TBC1D22A: variants seen among roughly 807,000 people sequenced by gnomAD.
TBC1D22A encodes the protein TBC1 domain family member 22A.
TBC1D22A carries 38 observed loss-of-function variants against 60.2 expected under a neutral mutation model. The observed-to-expected ratio is 0.63, with a 90% CI of 0.49 to 0.83. The LOEUF is 0.83. Ranked by LOEUF, TBC1D22A falls within the 40% of genes least tolerant of loss-of-function variation. The pLI is 0.00. For missense variants in TBC1D22A, 628 were observed against 701.0 expected (o/e 0.90, Z 1.18); for synonymous variants, 302 against 281.7 (o/e 1.07, Z -0.72).
At chr22:47,152,765 A>C (rs1380282004) in intron 12 of TBC1D22A, among the ~76,000 whole-genome samples, 1 of 152,092 alleles carries the variant, frequency 6.6e-6, no homozygotes, top group African/African-American at 2.4e-5. Context: ...GGCCTCTGAG[A>C]GAGAAAGCAT....
At chr22:46,937,294 T>TA (rs2071711092) in intron 8 of TBC1D22A, among the ~76,000 whole-genome samples, 1 of 152,230 alleles carries the variant, frequency 6.6e-6, no homozygotes, top group South Asian at 2.1e-4. Flanking sequence ...ATCCAGGATA[T>TA]ACAGTTCTGC....
At chr22:46,778,250 C>CA (rs1488899250) in intron 1 of TBC1D22A, among the ~76,000 whole-genome samples, 1 of 151,988 alleles carries the variant, frequency 6.6e-6, no homozygotes, top group African/African-American at 2.4e-5. Flanking sequence ...CTACTAGATT[C>CA]ATAAACACAC....
intron 12 of TBC1D22A, among the ~76,000 whole-genome samples, chr22:47,122,380 C>T (rs912729536): frequency 1.3e-5 from 2 of 152,198 alleles, no homozygotes; most frequent in African/African-American, 4.8e-5. Flanking sequence ...CCAGGGTCCT[C>T]AGTGTCCCAT....
intron 8 of TBC1D22A, among the ~76,000 whole-genome samples, chr22:46,945,154 A>G (rs2072452714): frequency 6.6e-6 from 1 of 152,260 alleles, no homozygotes; most frequent in African/African-American, 2.4e-5. Context: ...TTTTCAGTTC[A>G]GTACCACAAA....
chr22:47,140,217 T>A (rs2067026929), intron 12 of TBC1D22A, among the ~76,000 whole-genome samples: 1 of 152,058 alleles, frequency 6.6e-6, no homozygotes, highest in African/African-American at 2.4e-5. Flanking sequence ...TGAGTCTGCC[T>A]ATTCTTCTCG....
chr22:46,795,434 A>G (rs944545667), intron 3 of TBC1D22A, among the ~76,000 whole-genome samples: 5 of 152,230 alleles, frequency 3.3e-5, no homozygotes, highest in African/African-American at 1.2e-4. Flanking sequence ...GGCTGTGACC[A>G]GCTGGGGTCG....
At chr22:47,153,424 C>G (rs990146218) in intron 12 of TBC1D22A, among the ~76,000 whole-genome samples, 3 of 151,974 alleles carry the variant, frequency 2.0e-5, no homozygotes, top group African/African-American at 7.3e-5. Context: ...CAGCCCCTGC[C>G]ATGGTGCTCC....
chr22:47,020,414 A>G (rs1213970129), intron 10 of TBC1D22A, among the ~76,000 whole-genome samples: 2 of 152,106 alleles, frequency 1.3e-5, no homozygotes, highest in Non-Finnish European at 2.9e-5. Context: ...TGCATCAGCA[A>G]TTTCTTACTG....
chr22:47,142,071 G>GC (rs1308957178), intron 12 of TBC1D22A, among the ~76,000 whole-genome samples: 1 of 152,156 alleles, frequency 6.6e-6, no homozygotes, highest in African/African-American at 2.4e-5. Flanking sequence ...GGCCCCTGTG[G>GC]CTCTTTGCCA....
At chr22:46,779,145 G>A (rs1007070952) in intron 1 of TBC1D22A, among the ~76,000 whole-genome samples, 1 of 152,224 alleles carries the variant, frequency 6.6e-6, no homozygotes, top group Non-Finnish European at 1.5e-5. Flanking sequence ...AGTACATAAT[G>A]TATGTGCTAT....
chr22:47,149,325 A>G (rs898883921), intron 12 of TBC1D22A, among the ~76,000 whole-genome samples: 2 of 152,168 alleles, frequency 1.3e-5, no homozygotes, highest in Non-Finnish European at 2.9e-5. Context: ...GCCTCCATTT[A>G]TTTCCCTCAA....
intron 8 of TBC1D22A, among the ~76,000 whole-genome samples, chr22:46,963,573 A>G (rs1404143122): frequency 1.3e-5 from 2 of 152,248 alleles, no homozygotes; most frequent in Admixed American, 1.3e-4. Flanking sequence ...AAAACCCAAG[A>G]GACAGGCCAT....
intron 11 of TBC1D22A, among the ~76,000 whole-genome samples, chr22:47,109,017 A>G (rs570359211): frequency 6.6e-6 from 1 of 152,178 alleles, no homozygotes; most frequent in South Asian, 2.1e-4. Flanking sequence ...AGTTTATCGT[A>G]TGAGAGTTAT....
chr22:46,877,961 GT>G (rs2067644419), intron 4 of TBC1D22A, among the ~76,000 whole-genome samples: 1 of 152,088 alleles, frequency 6.6e-6, no homozygotes, highest in African/African-American at 2.4e-5. Context: ...GCCCTTGGAG[GT>G]GCTGGACCTT....
intron 12 of TBC1D22A, among the ~76,000 whole-genome samples, chr22:47,114,855 G>T (rs2065974410): frequency 6.6e-6 from 1 of 152,152 alleles, no homozygotes; most frequent in African/African-American, 2.4e-5. Flanking sequence ...GGGAGGGGGC[G>T]ATGGGTCACG....
intron 8 of TBC1D22A, chr22:46,913,712 A>G (rs2070134055): frequency 1.0e-6 from 1 of 985,418 alleles, no homozygotes; most frequent in African/African-American, 1.7e-5. Flanking sequence ...GAGAAGTTCA[A>G]CTGAGATGTG....
At chr22:47,048,881 C>G (rs891807964) in intron 11 of TBC1D22A, among the ~76,000 whole-genome samples, 1 of 152,186 alleles carries the variant, frequency 6.6e-6, no homozygotes, top group Non-Finnish European at 1.5e-5. Context: ...CCTGACTGCC[C>G]GCATGCACCC....
chr22:46,938,776 G>T (rs1207845120), intron 8 of TBC1D22A, among the ~76,000 whole-genome samples: 3 of 151,872 alleles, frequency 2.0e-5, no homozygotes, highest in Admixed American at 2.0e-4. Context: ...AGTAGAGATG[G>T]GGTTTCACCA....
At chr22:47,066,754 C>T (rs2039695588) in intron 11 of TBC1D22A, among the ~76,000 whole-genome samples, 1 of 152,156 alleles carries the variant, frequency 6.6e-6, no homozygotes, top group Non-Finnish European at 1.5e-5. Context: ...ACCCTAGGTC[C>T]CCCATGAACT....
Sources: allele counts gnomAD v4.1 joint callset (sites outside exome capture counted in the v4.1 genomes callset), GRCh38; gene constraint gnomAD v4.1.1; transcripts MANE v1.5; gene names NCBI Gene and HGNC (gene_info 2026-07-23, HGNC 2026-07-21).